Variants in ZC3H7B observed in about 807,000 individuals in gnomAD.
ZC3H7B encodes zinc finger CCCH domain-containing protein 7B.
ZC3H7B carries 35 observed loss-of-function variants against 116.0 expected under a neutral mutation model. That is an observed-to-expected ratio of 0.30 (90% CI 0.23 to 0.40). The LOEUF (loss-of-function observed/expected upper bound fraction) is 0.40, where lower values mean the gene tolerates loss of function less well. ZC3H7B is among the 10% of genes least tolerant of loss of function. The probability of loss-of-function intolerance (pLI) is 1.00; values close to 1 mark genes in which losing one functional copy is unlikely to be tolerated. For missense variants in ZC3H7B, 1,011 were observed against 1,321.5 expected (o/e 0.77, Z 3.64); for synonymous variants, 502 against 545.6 (o/e 0.92, Z 1.11).
At chr22:41,340,589 C>G (rs1050914439) in intron 10 of ZC3H7B, among the ~76,000 whole-genome samples, 2 of 152,130 alleles carry the variant, frequency 1.3e-5, no homozygotes, top group East Asian at 3.8e-4. Flanking sequence ...GGACACAGCC[C>G]AGGGCACTCG....
chr22:41,321,551 A>G (rs1193758195), intron 2 of ZC3H7B, among the ~76,000 whole-genome samples: 2 of 149,236 alleles, frequency 1.3e-5, no homozygotes, highest in Non-Finnish European at 3.0e-5. Context: ...AGGTCTTGCT[A>G]TGTTGCCCAG....
chr22:41,339,687 G>A, intron 9 of ZC3H7B, 129 bp from the exon 10 acceptor site: 1 of 807,638 alleles, frequency 1.2e-6, no homozygotes, highest in Non-Finnish European at 1.9e-6. Flanking sequence ...AGTGAGCCCT[G>A]CTCCCACATG....
intron 17 of ZC3H7B, among the ~76,000 whole-genome samples, chr22:41,353,383 G>C (rs1412655515): frequency 3.3e-5 from 5 of 152,210 alleles, no homozygotes; most frequent in African/African-American, 4.8e-5. Flanking sequence ...ATCACCCCCA[G>C]GCGGGGATCA....
intron 2 of ZC3H7B, 77 bp downstream of exon 2, chr22:41,320,790 C>T: frequency 1.9e-6 from 3 of 1,584,438 alleles, no homozygotes; most frequent in Non-Finnish European, 2.6e-6. Flanking sequence ...CCTCCCAGCG[C>T]TCCCTTTTCT....
At position 41,357,618 on chromosome 22, in the gene ZC3H7B, G is replaced by A. The variant is rs1408998802; in HGVS notation, c.*189G>A. The A allele has an allele frequency of 3.7e-6, 3 of 821,192 alleles. No homozygotes were observed. The highest frequency in any genetic ancestry group is 5.4e-5 in the East Asian group (2 of 37,058). 50.9% of individuals were successfully genotyped at this position (821,192 alleles called of 1,614,324 possible). A position where few individuals can be genotyped will look rare whatever the true frequency, so the allele number is the denominator to read the frequency against. On this transcript the variant is annotated 3_prime_UTR_variant, in exon 23 of 23. Transcript: ENST00000352645. The surrounding 1 kb of genome is among the most constrained non-coding windows in gnomAD (Gnocchi z 5.4). ...GTGTGCGTACCCAGGCGCACGTGCT[G>A]CAGCCCCCGGAGGCCCCGCTGAAAC...
chr22:41,330,229 G>A (rs1403970342), intron 6 of ZC3H7B, 126 bp downstream of exon 6: 7 of 884,838 alleles, frequency 7.9e-6, no homozygotes, highest in Non-Finnish European at 1.2e-5. Flanking sequence ...GGGAGTGACA[G>A]CAGGTGATCT....
intron 1 of ZC3H7B, among the ~76,000 whole-genome samples, chr22:41,308,879 CCAT>C (rs2036080999): frequency 6.6e-6 from 1 of 152,126 alleles, no homozygotes; most frequent in African/African-American, 2.4e-5. Context: ...CACCTCAGGG[CCAT>C]TGCCTGTGCC....
chr22:41,303,903 T>G (rs1434403154), intron 1 of ZC3H7B, among the ~76,000 whole-genome samples: 2 of 151,566 alleles, frequency 1.3e-5, no homozygotes. Flanking sequence ...GACTACAGGC[T>G]CCCGCCACTA....
chr22:41,332,572 G>A (rs1169604621), intron 7 of ZC3H7B: 2 of 260,884 alleles, frequency 7.7e-6, no homozygotes, highest in East Asian at 8.1e-5. Context: ...CAGGCCCCTG[G>A]GCCTCAAATG....
intron 1 of ZC3H7B, among the ~76,000 whole-genome samples, chr22:41,313,546 G>A (rs1165124860): frequency 6.6e-6 from 1 of 152,154 alleles, no homozygotes; most frequent in Non-Finnish European, 1.5e-5. Context: ...GAAACTGGCT[G>A]CTGGGTGCAG....
chr22:41,318,296 G>A (rs531813471), intron 1 of ZC3H7B, among the ~76,000 whole-genome samples: 5 of 152,020 alleles, frequency 3.3e-5, no homozygotes, highest in Admixed American at 2.0e-4. Context: ...TTGGGAGGCC[G>A]AGGCGGGCAG....
intron 17 of ZC3H7B, among the ~76,000 whole-genome samples, chr22:41,354,918 A>G (rs532823254): frequency 3.2e-4 from 48 of 152,004 alleles, no homozygotes; most frequent in African/African-American, 1.1e-3. Context: ...CCACCACCCT[A>G]CCCCTGCCGG....
chr22:41,338,246 G>T lies in ZC3H7B; in HGVS notation c.583-67G>T. 1 of 1,542,638 alleles carries T rather than the reference G, an allele frequency of 6.5e-7. No individual in the cohort carries two copies. Among genetic ancestry groups the T allele is most frequent in the Non-Finnish European group, 8.9e-7 (1 of 1,127,748 alleles). Reference sequence around the variant, plus strand: ...TCAACAGCATAGTCACGTGGGGAGGGGCTGGTGCTGGGTGCTGGGATCGGG... The same window carrying T: ...TCAACAGCATAGTCACGTGGGGAGGTGCTGGTGCTGGGTGCTGGGATCGGG... On this transcript the variant is annotated intron_variant, in intron 7 of 22. Coordinates refer to ENST00000352645, the MANE Select transcript of ZC3H7B (RefSeq NM_017590.6). The surrounding 1 kb of genome is among the most constrained non-coding windows in gnomAD (Gnocchi z 4.5).
rs2145927222 is a variant in ZC3H7B at position 41,338,133 on chromosome 22, G to C, written c.583-180G>C. Among the ~76,000 whole-genome samples the C allele has an allele frequency of 6.6e-6, 1 of 152,218 alleles. No homozygotes were observed. Among genetic ancestry groups the C allele is most frequent in the Admixed American group, 6.5e-5 (1 of 15,288 alleles). The stretch of plus-strand genomic sequence containing the variant: ...TCCACCCACCTCAGCCTCCCCAAGT[G>C]CTGGGATTATAGGCATAAGCCACCA... On this transcript the variant is annotated intron_variant, in intron 7 of 22. Transcript: ENST00000352645. This position sits in a 1 kb window ranked among gnomAD's most constrained non-coding sequence, Gnocchi z 4.5.
Position 41,327,128 on chromosome 22 carries a change from T to C in ZC3H7B, c.286-78T>C. 6.4e-7 allele frequency: 1 copy of C among 1,570,932 alleles called. No individual in the cohort carries two copies. Among genetic ancestry groups the C allele is most frequent in the South Asian group, 1.2e-5 (1 of 86,082 alleles). ...TGCCAGGAAGGGAAGCTGGTGTTCC[T>C]TCCTAGGCAGGGGCAGGAGGCCTGG... On this transcript the variant is annotated intron_variant, in intron 4 of 22. Coordinates refer to ENST00000352645, the MANE Select transcript of ZC3H7B (RefSeq NM_017590.6). The surrounding 1 kb of genome is among the most constrained non-coding windows in gnomAD (Gnocchi z 4.5).
intron 11 of ZC3H7B, among the ~76,000 whole-genome samples, chr22:41,342,110 TGTGGTCC>T (rs1350115792): frequency 1.3e-5 from 2 of 151,190 alleles, no homozygotes; most frequent in African/African-American, 4.9e-5. Flanking sequence ...ACACTAGCTG[TGTGGTCC>T]TGGGGAATTT....
chr22:41,315,840 C>G (rs1569231371), intron 1 of ZC3H7B, among the ~76,000 whole-genome samples: 1 of 152,112 alleles, frequency 6.6e-6, no homozygotes, highest in African/African-American at 2.4e-5. Context: ...TGTATAGGCC[C>G]TATCTTCAGA....
rs1457848052 is a variant in ZC3H7B, at chr22:41,301,581, A to G, written c.-198A>G. On this transcript the variant is annotated 5_prime_UTR_variant, in exon 1 of 23. Coordinates refer to ENST00000352645, the MANE Select transcript of ZC3H7B (RefSeq NM_017590.6). ...GCGGCCAGCCGAGGGGCTGGAAATG[A>G]AAGTAAAGCGCTCCAGAGCCACATG... The G allele has an allele frequency of 6.6e-6, 1 of 152,186 alleles. No homozygotes were observed. The highest frequency in any genetic ancestry group is 2.4e-5 in the African/African-American group (1 of 41,416). 9.4% of individuals were successfully genotyped at this position (152,186 alleles called of 1,614,324 possible).
At chr22:41,319,376 G>A (rs1298173451) in intron 1 of ZC3H7B, among the ~76,000 whole-genome samples, 1 of 152,008 alleles carries the variant, frequency 6.6e-6, no homozygotes, top group East Asian at 1.9e-4. Context: ...ACTCCAGCCT[G>A]GGCGACAGAG....
Sources: allele counts gnomAD v4.1 joint callset (sites outside exome capture counted in the v4.1 genomes callset), GRCh38; gene constraint gnomAD v4.1.1; non-coding constraint Gnocchi (gnomAD v3.1); transcripts MANE v1.5; gene names NCBI Gene and HGNC (gene_info 2026-07-23, HGNC 2026-07-21).